The following CCDC92B variants were observed in gnomAD, a reference collection of about 807,000 sequenced individuals.
CCDC92B encodes coiled-coil domain containing 92B.
Under a neutral mutation model 5.6 loss-of-function variants are expected in CCDC92B, and 2 were observed. The observed-to-expected ratio is 0.36, with a 90% CI of 0.15 to 1.12. The LOEUF (loss-of-function observed/expected upper bound fraction) is 1.12, where lower values mean the gene tolerates loss of function less well. Ranked by LOEUF, CCDC92B falls within the 50% of genes most tolerant of loss-of-function variation. The pLI is 0.40. For missense variants in CCDC92B, 271 were observed against 262.2 expected (o/e 1.03, Z -0.23); for synonymous variants, 115 against 122.3 (o/e 0.94, Z 0.39).
rs578035761 is a variant in CCDC92B at position 2,735,003 on chromosome 17, C to T, written c.130+13G>A. 4.1e-6 allele frequency: 4 copies of T among 985,590 alleles called. No individual in the cohort carries two copies. The highest frequency in any genetic ancestry group is 4.8e-6 in the Non-Finnish European group (4 of 830,024). The allele number at this position is 985,590 out of a possible 1,614,324, so 61.1% of individuals were successfully genotyped here. On this transcript the variant is annotated intron_variant, in intron 2 of 3. Coordinates refer to ENST00000614400, the MANE Select transcript of CCDC92B (RefSeq NM_001355573.2). The stretch of plus-strand genomic sequence containing the variant: ...CCTCTCCCCACCCGTCCAGCCGCCT[C>T]TCCTGGCCTCACCTGAGCAGCGTTT...
chr17:2,727,755 C>T (rs941985310), intron 3 of CCDC92B, among the ~76,000 whole-genome samples: 21 of 148,872 alleles, frequency 1.4e-4, no homozygotes, highest in South Asian at 4.4e-4. Context: ...CCCTGGGAGG[C>T]GGAGGTTGCA....
chr17:2,744,840 C>T (rs181743348), intron 1 of CCDC92B, among the ~76,000 whole-genome samples: 2 of 152,090 alleles, frequency 1.3e-5, no homozygotes, highest in African/African-American at 2.4e-5. Context: ...GTGAACAGAT[C>T]GTGTGTGCCC....
intron 1 of CCDC92B, among the ~76,000 whole-genome samples, chr17:2,741,799 A>G (rs1262706119): frequency 6.6e-6 from 1 of 150,914 alleles, no homozygotes; most frequent in African/African-American, 2.4e-5. Context: ...TCACCGTGTT[A>G]GCCAGGATGG....
chr17:2,743,850 T>G (rs1039101015), intron 1 of CCDC92B, among the ~76,000 whole-genome samples: 5 of 152,162 alleles, frequency 3.3e-5, no homozygotes, highest in African/African-American at 1.2e-4. Flanking sequence ...TATTACCACA[T>G]GAATATATTA....
rs1455948917 is a variant in CCDC92B, at chr17:2,724,210, G to A, written c.*201C>T. 3.4e-5 allele frequency: 33 copies of A among 979,116 alleles called. No individual in the cohort carries two copies. Among genetic ancestry groups the A allele is most frequent in the Non-Finnish European group, 3.9e-5 (32 of 824,184 alleles). 60.7% of individuals were successfully genotyped at this position (979,116 alleles called of 1,614,324 possible). On this transcript the variant is annotated 3_prime_UTR_variant, in exon 4 of 4. Coordinates refer to ENST00000614400, the MANE Select transcript of CCDC92B (RefSeq NM_001355573.2). This position sits in a 1 kb window ranked among gnomAD's most constrained non-coding sequence, Gnocchi z 5.0. ...GCCCCGCGGAGGAACTCTCGCGCGA[G>A]GAGAGGGCTCGAAGCTTTGGAAACG...
intron 1 of CCDC92B, among the ~76,000 whole-genome samples, chr17:2,743,275 C>CA (rs1567618751): frequency 6.6e-6 from 1 of 152,060 alleles, no homozygotes; most frequent in African/African-American, 2.4e-5. Flanking sequence ...AAGAAAAATA[C>CA]AAAAAATTAG....
intron 3 of CCDC92B, among the ~76,000 whole-genome samples, chr17:2,729,302 C>T (rs903035382): frequency 6.6e-6 from 1 of 152,080 alleles, no homozygotes; most frequent in Non-Finnish European, 1.5e-5. Context: ...ACCAGCCTGG[C>T]CAACATGGTG....
In CCDC92B at chr17:2,734,730, C is replaced by T. The variant is rs191843825; in HGVS notation, c.130+286G>A. Among the ~76,000 whole-genome samples the T allele has an allele frequency of 8.5e-5, 13 of 152,088 alleles. No homozygotes were observed. In the East Asian group the frequency reaches 1.6e-3, roughly 18 times the overall value. ...GTCTTGATCTCCTGACCTCGTGATC[C>T]GCCCGCCTCGGCCTCCCAAAGTGCT... On this transcript the variant is annotated intron_variant, in intron 2 of 3. Transcript: ENST00000614400.
At chr17:2,740,953 A>G (rs1472461809) in intron 1 of CCDC92B, among the ~76,000 whole-genome samples, 3 of 141,018 alleles carry the variant, frequency 2.1e-5, no homozygotes, top group Non-Finnish European at 4.6e-5. Flanking sequence ...GTGACAGACA[A>G]AGACCCTGTC....
chr17:2,737,021 T>C (rs1245614524), intron 1 of CCDC92B, among the ~76,000 whole-genome samples: 1 of 151,060 alleles, frequency 6.6e-6, no homozygotes, highest in East Asian at 1.9e-4. Flanking sequence ...CAGTGATGGA[T>C]GAGAGCCATG....
At position 2,721,097 on chromosome 17, in the gene CCDC92B, C is replaced by CA. The variant is rs1470313488; in HGVS notation, c.*3313dup. ...CTCTAGGCCTCCTTCCTCTCTCCAC[C>CA]AGGGGGGACGCCATCCTACTGCTTA... On this transcript the variant is annotated 3_prime_UTR_variant, in exon 4 of 4. Coordinates refer to ENST00000614400, the MANE Select transcript of CCDC92B (RefSeq NM_001355573.2). 1.3e-5 allele frequency: 2 copies of CA among 152,354 alleles called. No homozygotes were observed. Among genetic ancestry groups the CA allele is most frequent in the African/African-American group, 4.8e-5 (2 of 41,458 alleles). The allele number at this position is 152,354 out of a possible 1,614,324, so 9.4% of individuals were successfully genotyped here.
intron 1 of CCDC92B, among the ~76,000 whole-genome samples, chr17:2,747,530 C>T (rs1330048000): frequency 1.3e-5 from 2 of 152,120 alleles, no homozygotes; most frequent in Non-Finnish European, 2.9e-5. Context: ...AGTTTGAGAC[C>T]AGCCTGGCCA....
chr17:2,731,911 G>A (rs2070798501), intron 2 of CCDC92B, among the ~76,000 whole-genome samples: 1 of 152,348 alleles, frequency 6.6e-6, no homozygotes, highest in Middle Eastern at 3.4e-3. Flanking sequence ...GGACTTGGGG[G>A]TAGGGAGATA....
At chr17:2,744,360 T>TTTTTG (rs1461416373) in intron 1 of CCDC92B, among the ~76,000 whole-genome samples, 107 of 151,974 alleles carry the variant, frequency 7.0e-4, no homozygotes, top group African/African-American at 2.5e-3. Context: ...TTTATTTTTA[T>TTTTTG]TTTTGTTTTT....
At chr17:2,727,561 C>T (rs993854300) in intron 3 of CCDC92B, among the ~76,000 whole-genome samples, 2 of 152,240 alleles carry the variant, frequency 1.3e-5, no homozygotes, top group African/African-American at 2.4e-5. Context: ...TGCAGTGGCT[C>T]ACGCCTGTAA....
rs962347727 is a variant in CCDC92B, at chr17:2,735,150, A to G, written c.-5T>C. On this transcript the variant is annotated 5_prime_UTR_variant, in exon 2 of 4. Transcript: ENST00000614400. ...CTCCAGGGACACGGTATCCATGGCAACCCAGGCCTGGGCCCCACCTAGGGA... is the reference window on the plus strand; with the variant it reads ...CTCCAGGGACACGGTATCCATGGCAGCCCAGGCCTGGGCCCCACCTAGGGA... 14 of 985,392 alleles carry G rather than the reference A, an allele frequency of 1.4e-5. No individual in the cohort carries two copies. Among genetic ancestry groups the G allele is most frequent in the African/African-American group, 7.0e-5 (4 of 57,226 alleles). The allele number at this position is 985,392 out of a possible 1,614,324, so 61.0% of individuals were successfully genotyped here. A position where few individuals can be genotyped will look rare whatever the true frequency, so the allele number is the denominator to read the frequency against.
intron 3 of CCDC92B, among the ~76,000 whole-genome samples, chr17:2,726,170 A>G (rs924694788): frequency 1.1e-4 from 2 of 18,000 alleles, no homozygotes; most frequent in Non-Finnish European, 4.1e-4. Flanking sequence ...TAATTTTTGT[A>G]TATATATATA....
intron 3 of CCDC92B, among the ~76,000 whole-genome samples, chr17:2,725,224 A>C (rs2070713619): frequency 6.8e-6 from 1 of 146,708 alleles, no homozygotes; most frequent in Admixed American, 6.9e-5. Context: ...AAATACAAAA[A>C]TTAGCCGGGC....
chr17:2,726,095 A>C (rs1259122552), intron 3 of CCDC92B, among the ~76,000 whole-genome samples: 1 of 148,578 alleles, frequency 6.7e-6, no homozygotes, highest in African/African-American at 2.5e-5. Context: ...TTACGGGTTC[A>C]AGCAGTTCTC....
Sources: gnomAD v4.1 joint callset for allele counts (sites outside exome capture counted in the v4.1 genomes callset) on GRCh38, gnomAD v4.1.1 for gene constraint, Gnocchi (gnomAD v3.1) non-coding constraint, MANE v1.5 for transcripts, NCBI Gene and HGNC (gene_info 2026-07-23, HGNC 2026-07-21) for gene names.